TRIO: variants seen among roughly 807,000 people sequenced by gnomAD.
The protein encoded by TRIO is triple functional domain protein.
In TRIO, 58 loss-of-function variants were observed where a neutral mutation model predicts 351.9. That is an observed-to-expected ratio of 0.16 (90% confidence interval 0.13 to 0.21). The LOEUF is 0.21. TRIO is among the 10% of genes least tolerant of loss of function. The probability of loss-of-function intolerance (pLI) is 1.00; values close to 1 mark genes in which losing one functional copy is unlikely to be tolerated. For synonymous variants in TRIO, 1,758 were observed against 1,595.7 expected (o/e 1.10, Z -2.42); for missense variants, 3,201 against 4,027.8 (o/e 0.79, Z 5.56).
intron 1 of TRIO, among the ~76,000 whole-genome samples, chr5:14,211,947 T>C (rs1182357371): frequency 1.0e-5 from 1 of 97,488 alleles, no homozygotes; most frequent in East Asian, 3.3e-4. Flanking sequence ...AGACCCCATC[T>C]CTCCAAAAAA....
intron 16 of TRIO, 24 bp from the exon 17 acceptor site, chr5:14,368,684 T>G: frequency 6.2e-7 from 1 of 1,600,816 alleles, no homozygotes; most frequent in Non-Finnish European, 8.5e-7. Flanking sequence ...CAAATAAGCC[T>G]TCCCTTTTGT....
At chr5:14,144,733 G>C (rs987997272) in intron 1 of TRIO, among the ~76,000 whole-genome samples, 2 of 152,028 alleles carry the variant, frequency 1.3e-5, no homozygotes, top group African/African-American at 4.8e-5. Flanking sequence ...GAGGGGCACC[G>C]GGTTTGCTGC....
At chr5:14,146,375 TAGACAA>T (rs1787524317) in intron 1 of TRIO, among the ~76,000 whole-genome samples, 2 of 152,210 alleles carry the variant, frequency 1.3e-5, no homozygotes, top group Non-Finnish European at 2.9e-5. Flanking sequence ...CAACCTGACT[TAGACAA>T]AGGCTTTCCA....
intron 1 of TRIO, among the ~76,000 whole-genome samples, chr5:14,150,484 G>A (rs1581234068): frequency 6.6e-6 from 1 of 151,950 alleles, no homozygotes; most frequent in East Asian, 1.9e-4. Context: ...TTAAAAAAAG[G>A]CCAATAATAA....
intron 1 of TRIO, among the ~76,000 whole-genome samples, chr5:14,212,146 A>G (rs1441969896): frequency 6.6e-6 from 1 of 151,940 alleles, no homozygotes; most frequent in Admixed American, 6.6e-5. Context: ...CTTAAAAAGA[A>G]AAAAAAAGGC....
intron 1 of TRIO, among the ~76,000 whole-genome samples, chr5:14,188,290 C>T (rs1001486263): frequency 6.6e-6 from 1 of 152,190 alleles, no homozygotes; most frequent in African/African-American, 2.4e-5. Context: ...GTATTGTTCT[C>T]ATTGCCTGTA....
At chr5:14,478,422 T>C (rs1242030745) in intron 41 of TRIO, among the ~76,000 whole-genome samples, 1 of 152,188 alleles carries the variant, frequency 6.6e-6, no homozygotes, top group Non-Finnish European at 1.5e-5. Context: ...ATCTTAGTGG[T>C]ATTTAGAAAA....
chr5:14,350,212 C>T (rs565081577), intron 11 of TRIO, among the ~76,000 whole-genome samples: 1 of 152,230 alleles, frequency 6.6e-6, no homozygotes, highest in South Asian at 2.1e-4. Context: ...AGAACATGGG[C>T]ACGATCTGCA....
intron 24 of TRIO, among the ~76,000 whole-genome samples, 166 bp downstream of exon 24, chr5:14,388,845 C>G (rs978633374): frequency 1.2e-4 from 18 of 152,130 alleles, no homozygotes; most frequent in African/African-American, 4.1e-4. Context: ...TTCTGCACTT[C>G]TGTAGAGTTC....
chr5:14,279,356 G>A (rs1303872216), intron 2 of TRIO, among the ~76,000 whole-genome samples: 1 of 147,152 alleles, frequency 6.8e-6, no homozygotes, highest in South Asian at 2.4e-4. Flanking sequence ...GAATCTTCTG[G>A]GTTTTTTTTT....
At chr5:14,405,741 T>A (rs1748648699) in intron 31 of TRIO, 107 bp from the exon 32 acceptor site, 1 of 1,391,840 alleles carries the variant, frequency 7.2e-7, no homozygotes, top group Admixed American at 2.3e-5. Context: ...TGCTAAAAAG[T>A]CATTTTGAAA....
At position 14,496,994 on chromosome 5, in the gene TRIO, C is replaced by T; in HGVS notation, c.7996C>T (p.Leu2666Phe). Residue 2666 changes from leucine (L) to phenylalanine (F), a missense_variant, in exon 50 of 57, where the codon CTC becomes TTC. By Grantham distance (22) the Leu-to-Phe change is conservative. Transcript: ENST00000344204. Reference protein sequence around the residue: ...ENGYRKSREGLSNKVSVKLLN... With the variant: ...ENGYRKSREGFSNKVSVKLLN... Reference sequence around the variant, plus strand: ...CGGTTATCGGAAGTCACGGGAAGGACTCAGCAACAAGGTATCTGTGAAGGT... The same window carrying T: ...CGGTTATCGGAAGTCACGGGAAGGATTCAGCAACAAGGTATCTGTGAAGGT... The T allele has an allele frequency of 1.2e-6, 2 of 1,614,198 alleles. No individual in the cohort carries two copies. The highest frequency in any genetic ancestry group is 1.7e-6 in the Non-Finnish European group (2 of 1,180,038).
At chr5:14,351,390 A>G (rs946104726) in intron 11 of TRIO, among the ~76,000 whole-genome samples, 1 of 152,174 alleles carries the variant, frequency 6.6e-6, no homozygotes, top group African/African-American at 2.4e-5. Context: ...GCAAGTTGCC[A>G]TTGAAACTCC....
At chr5:14,334,195 A>G (rs374719424) in intron 10 of TRIO, among the ~76,000 whole-genome samples, 2 of 152,292 alleles carry the variant, frequency 1.3e-5, no homozygotes, top group East Asian at 1.9e-4. Context: ...CCAAAAAGGT[A>G]GCATTTCTGA....
intron 34 of TRIO, among the ~76,000 whole-genome samples, chr5:14,435,990 T>C (rs1199635730): frequency 6.6e-6 from 1 of 152,182 alleles, no homozygotes; most frequent in Non-Finnish European, 1.5e-5. Context: ...TTGCCATGGC[T>C]TCAGGCCCTC....
chr5:14,361,579 G>A (rs943560574), intron 13 of TRIO, among the ~76,000 whole-genome samples: 2 of 152,232 alleles, frequency 1.3e-5, no homozygotes, highest in Admixed American at 1.3e-4. Context: ...GCCCATAGGA[G>A]TATGGAGTTA....
rs752225450 is a variant in TRIO, at chr5:14,304,573, T to C, written c.1481T>C (p.Ile494Thr). Residue 494 changes from isoleucine to threonine, a missense_variant, in exon 8 of 57, where the codon ATC becomes ACC. Transcript: ENST00000344204. ...CACCACCAGGGAATATATGAACATA[T>C]CACTCTTGCTTATTCTGAGGTAAGT... ...IHHHQGIYEHITLAYSEVSQD... is the reference protein window; with the variant it reads ...IHHHQGIYEHTTLAYSEVSQD... 1.9e-6 allele frequency: 3 copies of C among 1,613,454 alleles called. No individual in the cohort carries two copies. Among genetic ancestry groups the C allele is most frequent in the African/African-American group, 1.3e-5 (1 of 74,856 alleles).
chr5:14,481,298 C>T lies in TRIO; in HGVS notation c.6387+14C>T, dbSNP rs146076164. ...TCAGAATTAGAGGTACATGCATCAG[C>T]GGCTGTGGGCACCCAAATCCCCACC... On this transcript the variant is annotated intron_variant, in intron 44 of 56. Coordinates refer to ENST00000344204, the MANE Select transcript of TRIO (RefSeq NM_007118.4). 1.4e-4 allele frequency: 232 copies of T among 1,612,822 alleles called. No individual in the cohort carries two copies. The highest frequency in any genetic ancestry group is 3.9e-4 in the African/African-American group (29 of 74,968).
intron 34 of TRIO, among the ~76,000 whole-genome samples, chr5:14,431,477 T>C (rs963175107): frequency 5.3e-5 from 8 of 152,216 alleles, no homozygotes; most frequent in African/African-American, 1.7e-4. Context: ...GCTCTGGAAT[T>C]CTTTATTATT....
Sources: gnomAD v4.1 joint callset for allele counts (sites outside exome capture counted in the v4.1 genomes callset) on GRCh38, gnomAD v4.1.1 for gene constraint, MANE v1.5 for transcripts, NCBI Gene and HGNC (gene_info 2026-07-23, HGNC 2026-07-21) for gene names.